Variants in DPYD observed in about 807,000 individuals in gnomAD.
DPYD encodes the protein dihydropyrimidine dehydrogenase [NADP(+)].
Under a neutral mutation model 116.2 loss-of-function variants are expected in DPYD, and 109 were observed. The observed-to-expected ratio is 0.94, with a 90% CI of 0.80 to 1.10. DPYD has a LOEUF of 1.10. DPYD is among the 50% of genes least tolerant of loss of function. The pLI is 0.00. For synonymous variants in DPYD, 440 were observed against 432.0 expected (o/e 1.02, Z -0.23); for missense variants, 1,302 against 1,254.5 (o/e 1.04, Z -0.57).
intron 1 of DPYD, among the ~76,000 whole-genome samples, chr1:97,896,053 T>C (rs557862302): frequency 6.6e-6 from 1 of 151,934 alleles, no homozygotes; most frequent in East Asian, 1.9e-4. Context: ...CTAGCTTCTT[T>C]CCAGGGATTA....
chr1:97,440,552 A>G (rs1675723378), intron 14 of DPYD, among the ~76,000 whole-genome samples: 1 of 152,028 alleles, frequency 6.6e-6, no homozygotes, highest in Non-Finnish European at 1.5e-5. Flanking sequence ...GTACTCTTAG[A>G]GCATCTTTGA....
At chr1:97,365,878 C>T (rs1470242767) in intron 16 of DPYD, among the ~76,000 whole-genome samples, 5 of 152,120 alleles carry the variant, frequency 3.3e-5, no homozygotes, top group African/African-American at 9.7e-5. Context: ...AAGCAATCTT[C>T]CTGCCTCAGC....
intron 19 of DPYD, among the ~76,000 whole-genome samples, chr1:97,232,584 CTTCA>C (rs1457321668): frequency 1.3e-5 from 2 of 151,702 alleles, no homozygotes; most frequent in Non-Finnish European, 2.9e-5. Flanking sequence ...TCATTCTTTT[CTTCA>C]GTCTTTTTTT....
At chr1:97,586,512 A>G (rs1470955950) in intron 10 of DPYD, among the ~76,000 whole-genome samples, 2 of 103,210 alleles carry the variant, frequency 1.9e-5, no homozygotes, top group African/African-American at 3.8e-5. Context: ...ATATATATAT[A>G]TATATATGCT....
intron 8 of DPYD, among the ~76,000 whole-genome samples, chr1:97,658,651 T>A (rs1659079925): frequency 6.6e-6 from 1 of 152,186 alleles, no homozygotes; most frequent in Non-Finnish European, 1.5e-5. Flanking sequence ...CTGCACTGTA[T>A]AACCTCTGTC....
intron 13 of DPYD, among the ~76,000 whole-genome samples, chr1:97,503,952 T>C (rs1163642308): frequency 6.6e-6 from 1 of 152,002 alleles, no homozygotes; most frequent in Non-Finnish European, 1.5e-5. Context: ...TTAAGGGGCA[T>C]TGAGATAAAT....
intron 8 of DPYD, among the ~76,000 whole-genome samples, chr1:97,678,152 A>G (rs1157054216): frequency 6.6e-6 from 1 of 152,146 alleles, no homozygotes. Flanking sequence ...ATCAGGCATT[A>G]GTTACAGATT....
At chr1:97,780,798 A>G (rs1168631468) in intron 3 of DPYD, among the ~76,000 whole-genome samples, 1 of 152,220 alleles carries the variant, frequency 6.6e-6, no homozygotes, top group Non-Finnish European at 1.5e-5. Context: ...GGTGTTCACC[A>G]CTAAAAATTT....
intron 16 of DPYD, among the ~76,000 whole-genome samples, chr1:97,324,869 A>C (rs1023224308): frequency 7.2e-5 from 11 of 152,230 alleles, no homozygotes; most frequent in African/African-American, 2.4e-4. Context: ...GACAGAGAAC[A>C]GTAATATAGT....
At chr1:97,301,478 T>C (rs1666860636) in intron 18 of DPYD, among the ~76,000 whole-genome samples, 1 of 151,970 alleles carries the variant, frequency 6.6e-6, no homozygotes, top group Non-Finnish European at 1.5e-5. Context: ...TGTCTATCAT[T>C]ATTTCAATTT....
intron 1 of DPYD, among the ~76,000 whole-genome samples, chr1:97,888,399 A>G (rs1205755898): frequency 6.6e-6 from 1 of 152,060 alleles, no homozygotes; most frequent in South Asian, 2.1e-4. Flanking sequence ...AAATACTGTA[A>G]TGGGATTACC....
At chr1:97,125,289 T>C (rs1280985834) in intron 20 of DPYD, among the ~76,000 whole-genome samples, 1 of 152,060 alleles carries the variant, frequency 6.6e-6, no homozygotes, top group Non-Finnish European at 1.5e-5. Context: ...ATGAATCTTG[T>C]TTTCAAAAGA....
At chr1:97,264,938 G>T (rs1664135411) in intron 18 of DPYD, among the ~76,000 whole-genome samples, 1 of 152,106 alleles carries the variant, frequency 6.6e-6, no homozygotes, top group Non-Finnish European at 1.5e-5. Flanking sequence ...ATGTGTCAAA[G>T]ATATGGTTAT....
At chr1:97,769,254 G>T (rs1290363117) in intron 3 of DPYD, among the ~76,000 whole-genome samples, 4 of 151,992 alleles carry the variant, frequency 2.6e-5, no homozygotes, top group African/African-American at 9.7e-5. Flanking sequence ...CATTCCCAAA[G>T]AATACAAGAA....
chr1:97,269,074 C>G (rs1177678192), intron 18 of DPYD, among the ~76,000 whole-genome samples: 1 of 152,134 alleles, frequency 6.6e-6, no homozygotes, highest in African/African-American at 2.4e-5. Context: ...TTTATCCTGC[C>G]AGATGTTGTT....
intron 18 of DPYD, among the ~76,000 whole-genome samples, chr1:97,277,978 T>C (rs74104335): frequency 1.1e-3 from 166 of 152,304 alleles, no homozygotes; most frequent in African/African-American, 4.0e-3. Flanking sequence ...CATTCTACTA[T>C]ATTTAGCCCT....
intron 2 of DPYD, among the ~76,000 whole-genome samples, chr1:97,872,621 C>G (rs1298098656): frequency 4.6e-5 from 7 of 151,840 alleles, no homozygotes; most frequent in Admixed American, 4.6e-4. Context: ...GAATGAAGCA[C>G]TAGGAAAAAA....
At chr1:97,326,876 TAA>T (rs1241501417) in intron 16 of DPYD, among the ~76,000 whole-genome samples, 1 of 152,010 alleles carries the variant, frequency 6.6e-6, no homozygotes, top group Non-Finnish European at 1.5e-5. Context: ...ATATAGCAAT[TAA>T]TTATCATTTT....
chr1:97,302,240 C>T (rs1245363307), intron 18 of DPYD, among the ~76,000 whole-genome samples: 1 of 151,960 alleles, frequency 6.6e-6, no homozygotes, highest in African/African-American at 2.4e-5. Context: ...ATGGTTTAGA[C>T]AGAGTACTTA....
Sources: gnomAD v4.1 joint callset for allele counts (sites outside exome capture counted in the v4.1 genomes callset) on GRCh38, gnomAD v4.1.1 for gene constraint, MANE v1.5 for transcripts, NCBI Gene and HGNC (gene_info 2026-07-23, HGNC 2026-07-21) for gene names.